ALDH3A1: variants seen among roughly 807,000 people sequenced by gnomAD.
ALDH3A1 encodes aldehyde dehydrogenase 3 family member A1.
Under a neutral mutation model 49.9 loss-of-function variants are expected in ALDH3A1, and 46 were observed. The observed-to-expected ratio is 0.92, with a 90% CI of 0.73 to 1.18. The LOEUF is 1.18. Ranked by LOEUF, ALDH3A1 falls within the 50% of genes most tolerant of loss-of-function variation. The probability of loss-of-function intolerance (pLI) is 0.00; values close to 1 mark genes in which losing one functional copy is unlikely to be tolerated. For synonymous variants in ALDH3A1, 269 were observed against 253.3 expected (o/e 1.06, Z -0.59); for missense variants, 592 against 611.8 (o/e 0.97, Z 0.34).
rs1006190787 is a variant in ALDH3A1, at chr17:19,740,581, T to A, written c.808-104A>T. ...AGTGTCTGTCTTTGGGTGGTGGGAT[T>A]CTGGGTGGAGCTTTTTTCTTCTTTA... On this transcript the variant is annotated intron_variant, in intron 6 of 10. Transcript: ENST00000225740. The A allele has an allele frequency of 9.1e-6, 12 of 1,322,232 alleles. No individual in the cohort carries two copies. The Admixed American group carries it at 1.8e-4, about 19-fold the overall frequency. The allele number at this position is 1,322,232 out of a possible 1,614,324, so 81.9% of individuals were successfully genotyped here.
intron 1 of ALDH3A1, among the ~76,000 whole-genome samples, chr17:19,746,431 G>A (rs988645347): frequency 2.4e-4 from 36 of 152,104 alleles, no homozygotes; most frequent in African/African-American, 8.2e-4. Flanking sequence ...TAGGAGGTAA[G>A]GCAAGGTTAG....
In ALDH3A1 at chr17:19,742,119, C is replaced by T. The variant is rs781507152; in HGVS notation, c.574G>A (p.Val192Met). The change falls in exon 5 of 11, where the codon GTG becomes ATG. Residue 192 changes from valine to methionine, a missense_variant. By Grantham distance (21) the Val-to-Met change is conservative. Transcript: ENST00000225740. Reference sequence around the variant, plus strand: ...GCAGCCGTCATGATGATCTTCCCCACCCCCGTGCTGCCCGTGTACAGGATA... The same window carrying T: ...GCAGCCGTCATGATGATCTTCCCCATCCCCGTGCTGCCCGTGTACAGGATA... ...DHILYTGSTG[V>M]GKIIMTAAAK... 5 of 1,613,888 alleles carry T rather than the reference C, an allele frequency of 3.1e-6. No homozygotes were observed. The East Asian group carries it at 1.1e-4, about 36-fold the overall frequency.
chr17:19,742,025 C>T lies in ALDH3A1; in HGVS notation c.668G>A (p.Cys223Tyr). 1.9e-6 allele frequency: 3 copies of T among 1,613,900 alleles called. No homozygotes were observed. The highest frequency in any genetic ancestry group is 2.5e-6 in the Non-Finnish European group (3 of 1,180,016). ...TCACCGGCAGGCCACGTCCAGGTCA[C>T]AGTTCTTGTCCACGTAGCAGGGACT... is the stretch of plus-strand genomic sequence containing the variant. ...GKSPCYVDKNCDLDVACRRIA... is the reference protein window; with the variant it reads ...GKSPCYVDKNYDLDVACRRIA... The change falls in exon 5 of 11, where the codon TGT becomes TAT. Residue 223 changes from cysteine (C) to tyrosine (Y), a missense_variant. Transcript: ENST00000225740.
intron 9 of ALDH3A1, 77 bp downstream of exon 9, chr17:19,738,919 T>A: frequency 7.5e-7 from 1 of 1,325,048 alleles, no homozygotes. Flanking sequence ...CAGGAGGTGG[T>A]CCCTCCTGAA....
chr17:19,742,776 G>A (rs776003538), intron 3 of ALDH3A1, 146 bp from the exon 4 acceptor site: 77 of 1,539,796 alleles, frequency 5.0e-5, no homozygotes, highest in African/African-American at 2.1e-4. Flanking sequence ...CACATGTCAC[G>A]GGGCACACCC....
chr17:19,745,422 C>T lies in ALDH3A1; in HGVS notation c.-5-288G>A, dbSNP rs567021563. On this transcript the variant is annotated intron_variant, in intron 1 of 10. Coordinates refer to ENST00000225740, the MANE Select transcript of ALDH3A1 (RefSeq NM_000691.5). Reference sequence around the variant, plus strand: ...AGCGTGCTCGCGGCAGGGCCTTTCCCGGCCTTTTCCGCTCCCTTACTTGCT... The same window carrying T: ...AGCGTGCTCGCGGCAGGGCCTTTCCTGGCCTTTTCCGCTCCCTTACTTGCT... 16 of 403,904 alleles carry T rather than the reference C, an allele frequency of 4.0e-5. No individual in the cohort carries two copies. In the East Asian group the frequency reaches 6.6e-4, roughly 17 times the overall value. 25.0% of individuals were successfully genotyped at this position (403,904 alleles called of 1,614,324 possible).
chr17:19,739,962 T>C (rs2086460282), intron 7 of ALDH3A1, among the ~76,000 whole-genome samples: 1 of 149,680 alleles, frequency 6.7e-6, no homozygotes. Context: ...CAGAATTCTC[T>C]TGTCTCCTTG....
rs138656076 is a variant in ALDH3A1 at position 19,740,364 on chromosome 17, G to A, written c.921C>T (p.Gly307=). The change falls in exon 7 of 11, where the codon GGC becomes GGT. Residue 307 remains glycine, a synonymous_variant. Transcript: ENST00000225740. ...LIEGQKVAYG[G]TGDAATRYIA... is the part of the protein sequence containing the mutation. The stretch of plus-strand genomic sequence containing the variant: ...TGTAGCGAGTGGCGGCATCCCCGGT[G>A]CCCCCATAAGCCACCTTCTGGCCCT... The A allele has an allele frequency of 6.2e-7, 1 of 1,614,008 alleles. No individual in the cohort carries two copies. Among genetic ancestry groups the A allele is most frequent in the Non-Finnish European group, 8.5e-7 (1 of 1,179,996 alleles).
chr17:19,744,144 T>TCC, intron 2 of ALDH3A1: 1 of 984,300 alleles, frequency 1.0e-6, no homozygotes, highest in Non-Finnish European at 1.2e-6. Flanking sequence ...ATGCCTGTAA[T>TCC]CCCAGCACTC....
chr17:19,738,316 C>T lies in ALDH3A1; in HGVS notation c.1347+7G>A. On this transcript the variant is annotated splice_region_variant and intron_variant, in intron 10 of 10. Coordinates refer to ENST00000225740, the MANE Select transcript of ALDH3A1 (RefSeq NM_000691.5). ...CGGTCTCCCCCACAGCGCCTTCCCC[C>T]TCTCACCTTGGCCGGGCTCGGGGGG... The T allele has an allele frequency of 6.2e-7, 1 of 1,613,294 alleles. No homozygotes were observed. The highest frequency in any genetic ancestry group is 8.5e-7 in the Non-Finnish European group (1 of 1,179,270).
intron 2 of ALDH3A1, 67 bp downstream of exon 2, chr17:19,744,901 G>GGCCC: frequency 1.3e-4 from 58 of 434,600 alleles, no homozygotes; most frequent in South Asian, 1.5e-4. Flanking sequence ...ACTCTCCCCA[G>GGCCC]CCCCTCCCCC....
chr17:19,744,913 A>AGG, intron 2 of ALDH3A1, 55 bp downstream of exon 2: 2 of 385,584 alleles, frequency 5.2e-6, no homozygotes, highest in Non-Finnish European at 7.0e-6. Flanking sequence ...CCCTCCCCCC[A>AGG]CGCCCCATCG....
Position 19,739,537 on chromosome 17 carries a change from C to G in ALDH3A1, c.1087G>C (p.Ala363Pro). 1 of 1,612,448 alleles carries G rather than the reference C, an allele frequency of 6.2e-7. No homozygotes were observed. Among genetic ancestry groups the G allele is most frequent in the Non-Finnish European group, 8.5e-7 (1 of 1,179,516 alleles). Residue 363 changes from alanine to proline, a missense_variant, in exon 8 of 11, where the codon GCC becomes CCC. Ala to Pro is a conservative substitution (Grantham distance 27, BLOSUM62 -1). Coordinates refer to ENST00000225740, the MANE Select transcript of ALDH3A1 (RefSeq NM_000691.5). ...TCGTTGCTGGAGAACATGTAGAGGG[C>G]CAGGGGCTTCTCACGCTGGTTGATG... ...QFINQREKPL[A>P]LYMFSSNDKV...
chr17:19,743,586 G>T lies in ALDH3A1; in HGVS notation c.163-123C>A. 1 of 1,466,170 alleles carries T rather than the reference G, an allele frequency of 6.8e-7. No individual in the cohort carries two copies. The highest frequency in any genetic ancestry group is 9.0e-7 in the Non-Finnish European group (1 of 1,114,256). The allele number at this position is 1,466,170 out of a possible 1,614,324, so 90.8% of individuals were successfully genotyped here. A position where few individuals can be genotyped will look rare whatever the true frequency, so the allele number is the denominator to read the frequency against. ...GTCACTCACCCAGCCCAGGGTGGGGGCAGCCGCAGAAGGCTCCCAGGGGAA... is the reference window on the plus strand; with the variant it reads ...GTCACTCACCCAGCCCAGGGTGGGGTCAGCCGCAGAAGGCTCCCAGGGGAA... On this transcript the variant is annotated intron_variant, in intron 2 of 10. Transcript: ENST00000225740. The surrounding 1 kb of genome is among the most constrained non-coding windows in gnomAD (Gnocchi z 4.4).
At chr17:19,738,487 C>T (rs757115562) in intron 9 of ALDH3A1, 34 bp from the exon 10 acceptor site, 1 of 1,593,766 alleles carries the variant, frequency 6.3e-7, no homozygotes, top group Non-Finnish European at 8.6e-7. Context: ...GGCTCAGCAT[C>T]CTGCCCCCAG....
chr17:19,744,504 G>C (rs1236139085), intron 2 of ALDH3A1: 3 of 985,350 alleles, frequency 3.0e-6, no homozygotes, highest in Non-Finnish European at 3.6e-6. Context: ...CAGCATGTGG[G>C]GACAGCAGGG....
In ALDH3A1 at chr17:19,744,117, G is replaced by A. The variant is rs2086554491; in HGVS notation, c.163-654C>T. ...CATTTCTTGAAAAGTGCAGTAGCAGGCCCGGCGCTGTGGCTCATGCCTGTA... is the reference window on the plus strand; with the variant it reads ...CATTTCTTGAAAAGTGCAGTAGCAGACCCGGCGCTGTGGCTCATGCCTGTA... On this transcript the variant is annotated intron_variant, in intron 2 of 10. Transcript: ENST00000225740. 9.1e-6 allele frequency: 9 copies of A among 985,388 alleles called. No individual in the cohort carries two copies. The South Asian group carries it at 4.2e-4, about 46-fold the overall frequency. The allele number at this position is 985,388 out of a possible 1,614,324, so 61.0% of individuals were successfully genotyped here.
chr17:19,742,790 A>C (rs1205352414), intron 3 of ALDH3A1, 160 bp from the exon 4 acceptor site: 1 of 1,536,272 alleles, frequency 6.5e-7, no homozygotes, highest in Admixed American at 2.0e-5. Context: ...CACACCCAGG[A>C]GCACGCACGG....
At chr17:19,741,897 A>T in intron 5 of ALDH3A1, 107 bp downstream of exon 5, 1 of 1,099,856 alleles carries the variant, frequency 9.1e-7, no homozygotes, top group African/African-American at 1.5e-5. Context: ...TCCATGAGGC[A>T]GGGGGTGTCT....
Sources: allele counts gnomAD v4.1 joint callset (sites outside exome capture counted in the v4.1 genomes callset), GRCh38; gene constraint gnomAD v4.1.1; non-coding constraint Gnocchi (gnomAD v3.1); transcripts MANE v1.5; gene names NCBI Gene and HGNC (gene_info 2026-07-23, HGNC 2026-07-21).